CDH23: variants seen among roughly 807,000 people sequenced by gnomAD.
The protein encoded by CDH23 is cadherin related 23.
Under a neutral mutation model 317.1 loss-of-function variants are expected in CDH23, and 189 were observed. The observed-to-expected ratio is 0.60, with a 90% CI of 0.53 to 0.67. The LOEUF is 0.67. Ranked by LOEUF, CDH23 falls within the 30% of genes least tolerant of loss-of-function variation. CDH23 has a pLI of 0.00. For synonymous variants in CDH23, 1,839 were observed against 1,876.8 expected (o/e 0.98, Z 0.52); for missense variants, 4,401 against 4,592.4 (o/e 0.96, Z 1.20).
At chr10:71,614,432 G>A (rs893800621) in intron 9 of CDH23, among the ~76,000 whole-genome samples, 8 of 152,250 alleles carry the variant, frequency 5.3e-5, no homozygotes, top group African/African-American at 1.7e-4. Context: ...TTCACATGTG[G>A]GAAGGGCATA....
At chr10:71,529,945 G>T (rs1471568442) in intron 6 of CDH23, among the ~76,000 whole-genome samples, 3 of 151,698 alleles carry the variant, frequency 2.0e-5, no homozygotes, top group African/African-American at 7.3e-5. Flanking sequence ...ACCCACCCCA[G>T]CCTGCAGCTT....
At chr10:71,785,487 G>A (rs1403974048) in intron 43 of CDH23, 144 bp from the exon 44 acceptor site, 15 of 638,358 alleles carry the variant, frequency 2.3e-5, no homozygotes, top group African/African-American at 7.2e-5. Context: ...TCGCCCCGGC[G>A]AGACCCTGCC....
In CDH23 at chr10:71,451,273, G is replaced by A. The variant is rs150150246; in HGVS notation, c.145+4878G>A. ...TCTCCCTGACTCGGCCCTCACCCAC[G>A]CTGCGGCCTTTTTTATCCCAGCCAT... On this transcript the variant is annotated intron_variant, in intron 3 of 69. Transcript: ENST00000224721. 3.6e-3 allele frequency among the ~76,000 whole-genome samples: 546 copies of A among 152,192 alleles called. 3 individuals are homozygous for A. Among genetic ancestry groups the A allele is most frequent in the African/African-American group, 0.011 (461 of 41,530 alleles).
At chr10:71,565,515 A>G (rs1439817734) in intron 6 of CDH23, among the ~76,000 whole-genome samples, 5 of 152,188 alleles carry the variant, frequency 3.3e-5, no homozygotes, top group African/African-American at 1.2e-4. Context: ...GGGGAAAGGC[A>G]GAACTGGGTG....
chr10:71,652,336 G>A (rs1387507684), intron 14 of CDH23, among the ~76,000 whole-genome samples: 1 of 152,236 alleles, frequency 6.6e-6, no homozygotes, highest in Non-Finnish European at 1.5e-5. Flanking sequence ...CTTACTATGA[G>A]CTGGTCACTC....
chr10:71,778,901 G>A (rs1182073575), intron 40 of CDH23, among the ~76,000 whole-genome samples: 4 of 152,146 alleles, frequency 2.6e-5, no homozygotes, highest in Non-Finnish European at 5.9e-5. Context: ...GGGACTACAG[G>A]CATGCACCAC....
intron 40 of CDH23, 92 bp from the exon 41 acceptor site, chr10:71,779,175 A>T: frequency 1.6e-6 from 2 of 1,236,998 alleles, no homozygotes; most frequent in Admixed American, 3.7e-5. Flanking sequence ...CATGAGGCAG[A>T]ATTATCAGGT....
At chr10:71,479,912 A>G (rs1851982357) in intron 3 of CDH23, among the ~76,000 whole-genome samples, 1 of 152,190 alleles carries the variant, frequency 6.6e-6, no homozygotes, top group Non-Finnish European at 1.5e-5. Context: ...TGTTAGTATC[A>G]TCACAGGGGC....
chr10:71,645,844 T>G lies in CDH23; in HGVS notation c.1154T>G (p.Met385Arg). The change falls in exon 13 of 70, where the codon ATG becomes AGG. Residue 385 changes from methionine to arginine, a missense_variant. This residue lies in a region of CDH23 where 3,068 missense variants were observed against 3,203.3 expected (regional missense o/e 0.96). Coordinates refer to ENST00000224721, the MANE Select transcript of CDH23 (RefSeq NM_022124.6). ...CTCTTGACCCAGGGCCTGAACAGCA[T>G]GTTTGAGGTGTACTTGGTGGGGAAC... The part of the protein sequence containing the change: ...DKDENLGLNS[M>R]FEVYLVGNNS... The G allele has an allele frequency of 1.9e-6, 3 of 1,611,500 alleles. No individual in the cohort carries two copies. Among genetic ancestry groups the G allele is most frequent in the Non-Finnish European group, 2.5e-6 (3 of 1,177,934 alleles).
chr10:71,756,274 A>G (rs1840144909), intron 38 of CDH23, among the ~76,000 whole-genome samples: 1 of 152,200 alleles, frequency 6.6e-6, no homozygotes, highest in Non-Finnish European at 1.5e-5. Flanking sequence ...TATTCCCTGC[A>G]AATACAGCAG....
chr10:71,573,814 G>A (rs1194993445), intron 8 of CDH23, among the ~76,000 whole-genome samples: 1 of 152,170 alleles, frequency 6.6e-6, no homozygotes, highest in African/African-American at 2.4e-5. Flanking sequence ...GCCTGGCCCG[G>A]CTCCCCTGGG....
chr10:71,565,689 T>A (rs1325269012), intron 6 of CDH23, among the ~76,000 whole-genome samples: 3 of 152,232 alleles, frequency 2.0e-5, no homozygotes, highest in Admixed American at 1.3e-4. Context: ...TCAGCACTTA[T>A]GTGCTAGAAT....
Position 71,675,132 on chromosome 10 carries a change from C to T in CDH23, c.1470C>T (p.Gly490=), listed in dbSNP as rs543964181. The change falls in exon 15 of 70, where the codon GGC becomes GGT. Residue 490 remains glycine, a synonymous_variant. Coordinates refer to ENST00000224721, the MANE Select transcript of CDH23 (RefSeq NM_022124.6). ...TGCAGGCAACTGACAATGATGCAGG[C>T]ACCTTTGGGGAAGTCAGCTACTTCT... ...LTVLATDNDA[G]TFGEVSYFFS... 3.1e-6 allele frequency: 5 copies of T among 1,613,980 alleles called. No individual in the cohort carries two copies. Among genetic ancestry groups the T allele is most frequent in the Admixed American group, 1.7e-5 (1 of 60,026 alleles).
chr10:71,614,564 G>C (rs762213755), intron 9 of CDH23, among the ~76,000 whole-genome samples: 1 of 152,204 alleles, frequency 6.6e-6, no homozygotes, highest in Non-Finnish European at 1.5e-5. Flanking sequence ...TCAGAGGGCC[G>C]GGAAGGGAGA....
At chr10:71,455,745 G>A (rs1850664211) in intron 3 of CDH23, among the ~76,000 whole-genome samples, 1 of 152,178 alleles carries the variant, frequency 6.6e-6, no homozygotes, top group Non-Finnish European at 1.5e-5. Flanking sequence ...AGGGGTGAAA[G>A]AGCCTGTATT....
chr10:71,647,212 A>C (rs1227819725), intron 14 of CDH23: 9 of 506,846 alleles, frequency 1.8e-5, no homozygotes, highest in African/African-American at 4.1e-5. Flanking sequence ...CCTGTCATCC[A>C]ACACCTTGAG....
intron 26 of CDH23, among the ~76,000 whole-genome samples, chr10:71,707,929 C>T (rs914086349): frequency 3.9e-5 from 6 of 152,150 alleles, no homozygotes; most frequent in Admixed American, 6.5e-5. Flanking sequence ...CTGCGGCCAA[C>T]GTGACCTCCC....
At chr10:71,641,515 C>A (rs917726507) in intron 11 of CDH23, among the ~76,000 whole-genome samples, 1 of 152,190 alleles carries the variant, frequency 6.6e-6, no homozygotes, top group African/African-American at 2.4e-5. Context: ...TGATTCTTCT[C>A]CACACTCCGT....
chr10:71,463,217 AT>A (rs1851092426), intron 3 of CDH23, among the ~76,000 whole-genome samples: 1 of 152,138 alleles, frequency 6.6e-6, no homozygotes, highest in Admixed American at 6.5e-5. Context: ...TCGGGACCAT[AT>A]TGAGAAAGAA....
Sources: allele counts gnomAD v4.1 joint callset (sites outside exome capture counted in the v4.1 genomes callset), GRCh38; gene constraint gnomAD v4.1.1; regional missense constraint gnomAD v4.1.1; transcripts MANE v1.5; gene names NCBI Gene and HGNC (gene_info 2026-07-23, HGNC 2026-07-21).